TENM2: variants seen among roughly 807,000 people sequenced by gnomAD.
TENM2 encodes teneurin transmembrane protein 2.
In TENM2, 52 loss-of-function variants were observed where a neutral mutation model predicts 245.2. That is an observed-to-expected ratio of 0.21 (90% CI 0.17 to 0.27). The LOEUF is 0.27. Among genes scored for constraint, TENM2 ranks in the 10% least tolerant of loss-of-function variants. The probability of loss-of-function intolerance (pLI) is 1.00; values close to 1 mark genes in which losing one functional copy is unlikely to be tolerated. For missense variants in TENM2, 3,046 were observed against 3,666.8 expected (o/e 0.83, Z 4.37); for synonymous variants, 1,363 against 1,438.9 (o/e 0.95, Z 1.19).
At chr5:167,360,536 G>A (rs941361469) in intron 1 of TENM2, among the ~76,000 whole-genome samples, 16 of 152,078 alleles carry the variant, frequency 1.1e-4, no homozygotes, top group Admixed American at 6.6e-4. Flanking sequence ...TCTGCTCATG[G>A]TATCCTCCAT....
At chr5:167,354,958 G>T (rs1759210363) in intron 1 of TENM2, among the ~76,000 whole-genome samples, 1 of 152,168 alleles carries the variant, frequency 6.6e-6, no homozygotes, top group Non-Finnish European at 1.5e-5. Flanking sequence ...AAATGACAAA[G>T]AAATAGTTAC....
chr5:168,236,185 C>T (rs1037906278), intron 25 of TENM2, among the ~76,000 whole-genome samples: 2 of 152,166 alleles, frequency 1.3e-5, no homozygotes, highest in African/African-American at 4.8e-5. Context: ...CAAATGAGCC[C>T]TCATCGGGAG....
chr5:167,513,078 T>C (rs1279770531), intron 2 of TENM2, among the ~76,000 whole-genome samples: 1 of 152,170 alleles, frequency 6.6e-6, no homozygotes, highest in Non-Finnish European at 1.5e-5. Context: ...AAAGTCTCAT[T>C]TTTCATAGAC....
At chr5:167,594,279 T>G (rs1414593751) in intron 2 of TENM2, among the ~76,000 whole-genome samples, 2 of 152,192 alleles carry the variant, frequency 1.3e-5, no homozygotes, top group Non-Finnish European at 2.9e-5. Flanking sequence ...TCCCCATTGA[T>G]AGATAACATC....
the TENM2 span, among the ~76,000 whole-genome samples, chr5:167,222,737 C>T: frequency 6.6e-6 from 1 of 152,152 alleles, no homozygotes; most frequent in Non-Finnish European, 1.5e-5. Context: ...GCAAAGATGA[C>T]CTTCATGCCT....
At chr5:168,129,238 T>G (rs1288048574) in intron 12 of TENM2, 1 of 152,192 alleles carries the variant, frequency 6.6e-6, no homozygotes, top group Non-Finnish European at 1.5e-5. Flanking sequence ...AACATAGATG[T>G]TTCGGTCAAG....
Position 168,205,046 on chromosome 5 carries a change from T to C in TENM2, c.3824+425T>C, listed in dbSNP as rs981721348. ...CTAGGATAGCACTTCCTTTACTGCA[T>C]AGGCTTTGCTGTGTAATTTCTGGCC... On this transcript the variant is annotated intron_variant, in intron 19 of 28. Coordinates refer to ENST00000518659, the Ensembl canonical transcript of TENM2. 5.9e-5 allele frequency among the ~76,000 whole-genome samples: 9 copies of C among 152,338 alleles called. No homozygotes were observed. In the East Asian group the frequency reaches 1.2e-3, roughly 20 times the overall value.
chr5:167,512,826 GT>G (rs528637721), intron 2 of TENM2, among the ~76,000 whole-genome samples: 1 of 152,192 alleles, frequency 6.6e-6, no homozygotes, highest in Non-Finnish European at 1.5e-5. Flanking sequence ...GTTTTCTTGT[GT>G]TTTTTTCCTC....
intron 2 of TENM2, among the ~76,000 whole-genome samples, chr5:167,565,155 T>A (rs1380897059): frequency 6.6e-6 from 1 of 152,252 alleles, no homozygotes; most frequent in African/African-American, 2.4e-5. Context: ...ATGACCTTAT[T>A]TTTATTGTGT....
intron 2 of TENM2, among the ~76,000 whole-genome samples, chr5:167,410,458 T>A (rs1424946246): frequency 1.3e-5 from 2 of 152,012 alleles, no homozygotes; most frequent in South Asian, 4.1e-4. Context: ...CTTTATCATA[T>A]CTGCATTCTC....
intron 2 of TENM2, among the ~76,000 whole-genome samples, chr5:167,786,386 G>A (rs575267007): frequency 2.0e-5 from 3 of 152,184 alleles, no homozygotes; most frequent in Admixed American, 2.0e-4. Flanking sequence ...TTTCTCTCTC[G>A]GCCTTGTTCT....
chr5:167,910,408 T>C (rs1035663013), intron 3 of TENM2, among the ~76,000 whole-genome samples: 3 of 151,880 alleles, frequency 2.0e-5, no homozygotes, highest in African/African-American at 7.3e-5. Flanking sequence ...CCTAGTATAA[T>C]TGCCTCTTCA....
intron 25 of TENM2, among the ~76,000 whole-genome samples, chr5:168,235,167 T>C (rs1278966234): frequency 6.6e-6 from 1 of 152,238 alleles, no homozygotes; most frequent in Non-Finnish European, 1.5e-5. Flanking sequence ...CCTGCCACAA[T>C]GCATTCATTC....
At chr5:167,310,618 TAAAAC>T (rs1470702661) in intron 1 of TENM2, among the ~76,000 whole-genome samples, 2 of 151,914 alleles carry the variant, frequency 1.3e-5, no homozygotes, top group South Asian at 2.1e-4. Context: ...AAAAACAAAA[TAAAAC>T]AAAAACAAAA....
intron 23 of TENM2, 124 bp from the exon 26 acceptor site, chr5:168,225,964 G>A: frequency 1.3e-6 from 1 of 774,852 alleles, no homozygotes; most frequent in Non-Finnish European, 2.1e-6. Flanking sequence ...GGGCCTCAGT[G>A]AGATGCGCCA....
At chr5:167,904,679 T>A (rs941857253) in intron 3 of TENM2, among the ~76,000 whole-genome samples, 1 of 152,176 alleles carries the variant, frequency 6.6e-6, no homozygotes, top group South Asian at 2.1e-4. Context: ...TCCCCCTGTG[T>A]CTGTCTTGTA....
intron 4 of TENM2, among the ~76,000 whole-genome samples, chr5:167,966,166 G>A (rs1781373437): frequency 6.6e-6 from 1 of 152,190 alleles, no homozygotes; most frequent in Non-Finnish European, 1.5e-5. Flanking sequence ...ACCACTCCAT[G>A]GTGGTGGCAG....
At chr5:167,503,678 G>C (rs1226904874) in intron 2 of TENM2, among the ~76,000 whole-genome samples, 1 of 152,168 alleles carries the variant, frequency 6.6e-6, no homozygotes, top group African/African-American at 2.4e-5. Context: ...TGGATTGCTT[G>C]AGCCCAGGAG....
At chr5:168,231,010 C>T (rs890354389) in intron 25 of TENM2, 4 of 152,324 alleles carry the variant, frequency 2.6e-5, no homozygotes, top group Non-Finnish European at 2.9e-5. Flanking sequence ...GCTCCAGTTG[C>T]TCTGTCTTGC....
Sources: allele counts gnomAD v4.1 joint callset (sites outside exome capture counted in the v4.1 genomes callset), GRCh38; gene constraint gnomAD v4.1.1; transcripts MANE v1.5; gene names NCBI Gene and HGNC (gene_info 2026-07-23, HGNC 2026-07-21).